Variants in DIO1 observed in about 807,000 individuals in gnomAD.
DIO1 encodes the protein type I iodothyronine deiodinase.
DIO1 carries 17 observed loss-of-function variants against 25.9 expected under a neutral mutation model. The observed-to-expected ratio is 0.66, with a 90% CI of 0.45 to 0.98. The LOEUF (loss-of-function observed/expected upper bound fraction) is 0.98. Ranked by LOEUF, DIO1 falls within the 50% of genes least tolerant of loss-of-function variation. The probability of loss-of-function intolerance (pLI) is 0.00; values close to 1 mark genes in which losing one functional copy is unlikely to be tolerated. For missense variants in DIO1, 270 were observed against 310.4 expected (o/e 0.87, Z 0.98); for synonymous variants, 115 against 114.0 (o/e 1.01, Z -0.05).
At chr1:53,906,662 C>CT (rs554046743) in intron 3 of DIO1, among the ~76,000 whole-genome samples, 14,910 of 144,356 alleles carry the variant, frequency 0.1, 773 homozygotes, top group African/African-American at 0.14. Flanking sequence ...TTCTTTCTTT[C>CT]TTTTTTTTTT....
chr1:53,899,578 G>A (rs1651251275), intron 1 of DIO1, among the ~76,000 whole-genome samples: 1 of 152,084 alleles, frequency 6.6e-6, no homozygotes, highest in South Asian at 2.1e-4. Flanking sequence ...TCTCTTCCAG[G>A]GTCTGAATCA....
rs60469690 is a variant in DIO1 at position 53,898,744 on chromosome 1, C to CAAAAAAAAAAA, written c.337+4206_337+4216dup. Among the ~76,000 whole-genome samples the CAAAAAAAAAAA allele has an allele frequency of 7.6e-4, 81 of 106,500 alleles. 1 individual carries two copies. Among genetic ancestry groups the CAAAAAAAAAAA allele is most frequent in the Non-Finnish European group, 1.1e-3 (58 of 52,314 alleles). The allele number at this position is 106,500 out of a possible 152,430, so 69.9% of individuals were successfully genotyped here. A position where few individuals can be genotyped will look rare whatever the true frequency, so the allele number is the denominator to read the frequency against. ...TGGGCAACAAAGCGAGACTCTGTCTCAAAAAAAAAAAAAAAAAAAGAGACA... is the reference window on the plus strand; with the variant it reads ...TGGGCAACAAAGCGAGACTCTGTCTCAAAAAAAAAAAAAAAAAAAAAAAAAAAAAAGAGACA... On this transcript the variant is annotated intron_variant, in intron 1 of 3. Transcript: ENST00000361921.
At chr1:53,898,424 G>A (rs945238304) in intron 1 of DIO1, among the ~76,000 whole-genome samples, 1 of 152,060 alleles carries the variant, frequency 6.6e-6, no homozygotes, top group African/African-American at 2.4e-5. Context: ...TTCCAAGAGA[G>A]AAGTAAACAT....
chr1:53,900,330 G>A (rs1026422731), intron 1 of DIO1, among the ~76,000 whole-genome samples: 6 of 152,148 alleles, frequency 3.9e-5, no homozygotes, highest in Non-Finnish European at 7.3e-5. Context: ...CTGGCCAGGC[G>A]CAGTGGCTCA....
At chr1:53,907,475 G>A (rs192824471) in intron 3 of DIO1, among the ~76,000 whole-genome samples, 16 of 152,280 alleles carry the variant, frequency 1.1e-4, no homozygotes, top group East Asian at 5.8e-4. Context: ...AGGTGCAAGG[G>A]TCACAGTAGA....
intron 1 of DIO1, among the ~76,000 whole-genome samples, chr1:53,898,576 C>T (rs1651197995): frequency 6.6e-6 from 1 of 151,970 alleles, no homozygotes; most frequent in Admixed American, 6.6e-5. Flanking sequence ...GAAATCCTGT[C>T]TCTACTAAAA....
rs751495834 is a variant in DIO1 at position 53,906,302 on chromosome 1, C to T, written c.681+8C>T. The T allele has an allele frequency of 1.0e-5, 16 of 1,605,150 alleles. No individual in the cohort carries two copies. The highest frequency in any genetic ancestry group is 1.3e-5 in the African/African-American group (1 of 74,738). Reference sequence around the variant, plus strand: ...GGCAGGATCCTCTACAAGGTGGTGACCTGGGGACAGGGGGCCCAGGGAGGG... The same window carrying T: ...GGCAGGATCCTCTACAAGGTGGTGATCTGGGGACAGGGGGCCCAGGGAGGG... On this transcript the variant is annotated splice_region_variant and intron_variant, in intron 3 of 3. Transcript: ENST00000361921.
In DIO1 at chr1:53,894,615, G is replaced by A; in HGVS notation, c.337+68G>A. 1 of 1,414,932 alleles carries A rather than the reference G, an allele frequency of 7.1e-7. No homozygotes were observed. Among genetic ancestry groups the A allele is most frequent in the Non-Finnish European group, 9.6e-7 (1 of 1,044,024 alleles). 87.6% of individuals were successfully genotyped at this position (1,414,932 alleles called of 1,614,324 possible). ...GTGGTAGAGGGGGATGAAGAGATGG[G>A]TTGGAAAGTCCTGAATTCTCCTACT... On this transcript the variant is annotated intron_variant, in intron 1 of 3. Coordinates refer to ENST00000361921, the MANE Select transcript of DIO1 (RefSeq NM_000792.7). The surrounding 1 kb of genome is among the most constrained non-coding windows in gnomAD (Gnocchi z 4.9).
intron 3 of DIO1, 78 bp from the exon 4 acceptor site, chr1:53,909,853 C>A: frequency 7.0e-7 from 1 of 1,435,118 alleles, no homozygotes; most frequent in Non-Finnish European, 9.8e-7. Flanking sequence ...CCTCTTGCAA[C>A]TAACCTCCAG....
At chr1:53,897,635 T>G (rs1651147870) in intron 1 of DIO1, among the ~76,000 whole-genome samples, 1 of 152,124 alleles carries the variant, frequency 6.6e-6, no homozygotes, top group Non-Finnish European at 1.5e-5. Context: ...GAGGATTGCT[T>G]GAACCCAGGA....
In DIO1 at chr1:53,906,216, G is replaced by A. The variant is rs201420507; in HGVS notation, c.603G>A (p.Met201Ile). The A allele has an allele frequency of 9.5e-4, 1,526 of 1,614,226 alleles. 22 individuals carry two copies. In the South Asian group the frequency reaches 0.016, roughly 17 times the overall value. Reference sequence around the variant, plus strand: ...AGTGCCCTGTGGTGGTGGACACCATGCAGAACCAGAGCAGCCAGCTCTACG... The same window carrying A: ...AGTGCCCTGTGGTGGTGGACACCATACAGAACCAGAGCAGCCAGCTCTACG... ...SPQCPVVVDT[M>I]QNQSSQLYAA... Residue 201 changes from methionine to isoleucine, a missense_variant, in exon 3 of 4, where the codon ATG (methionine) becomes ATA (isoleucine). By Grantham distance (10) the Met-to-Ile change is conservative (BLOSUM62 1). Transcript: ENST00000361921.
At position 53,909,988 on chromosome 1, in the gene DIO1, C is replaced by A; in HGVS notation, c.739C>A (p.Leu247Ile). Residue 247 changes from leucine (L) to isoleucine (I), a missense_variant, in exon 4 of 4, where the codon CTC (leucine) becomes ATC (isoleucine). Coordinates refer to ENST00000361921, the MANE Select transcript of DIO1 (RefSeq NM_000792.7). ...PEEVRAVLEK[L>I]HS ...GGAAGTTCGTGCTGTTCTGGAAAAG[C>A]TCCACAGTTAATCTGGACAGATACC... is the stretch of plus-strand genomic sequence containing the variant. The A allele has an allele frequency of 6.2e-7, 1 of 1,614,092 alleles. No individual in the cohort carries two copies. Among genetic ancestry groups the A allele is most frequent in the East Asian group, 2.2e-5 (1 of 44,890 alleles).
chr1:53,898,762 A>AG (rs1651211609), intron 1 of DIO1, among the ~76,000 whole-genome samples: 3 of 149,922 alleles, frequency 2.0e-5, no homozygotes, highest in South Asian at 2.1e-4. Flanking sequence ...AAAAAAAAAA[A>AG]AGAGACATGT....
intron 1 of DIO1, among the ~76,000 whole-genome samples, chr1:53,899,767 C>T (rs971860091): frequency 6.6e-6 from 1 of 152,164 alleles, no homozygotes; most frequent in Non-Finnish European, 1.5e-5. Context: ...AGCCTCATTC[C>T]TGGGCTCAAG....
chr1:53,905,975 C>A, intron 2 of DIO1, 120 bp from the exon 3 acceptor site: 1 of 904,548 alleles, frequency 1.1e-6, no homozygotes, highest in Non-Finnish European at 1.7e-6. Context: ...TAATGGGAAA[C>A]CAGGCCAAAT....
intron 1 of DIO1, among the ~76,000 whole-genome samples, chr1:53,896,210 CTTTTTTT>C (rs199555423): frequency 0.071 from 7,318 of 103,432 alleles, 208 homozygotes; most frequent in Middle Eastern, 0.15. Flanking sequence ...TTCTTTTTCT[CTTTTTTT>C]TTTTTTTTTT....
intron 1 of DIO1, among the ~76,000 whole-genome samples, chr1:53,896,210 C>CTTTTTTTTTTTTTTTTTTTTTTTTTTT (rs199555423): frequency 5.8e-5 from 6 of 103,584 alleles, no homozygotes; most frequent in South Asian, 3.5e-4. Flanking sequence ...TTCTTTTTCT[C>CTTTTTTTTTTTTTTTTTTTTTTTTTTT]TTTTTTTTTT....
chr1:53,906,261 C>T lies in DIO1; in HGVS notation c.648C>T (p.Leu216=). The part of the protein sequence containing the change: ...SQLYAALPER[L]YIIQEGRILY... ...TCTACGCAGCACTGCCTGAGAGGCT[C>T]TACATAATCCAGGAGGGCAGGATCC... is the stretch of plus-strand genomic sequence containing the variant. Residue 216 remains leucine (L), a synonymous_variant, in exon 3 of 4, where the codon CTC becomes CTT. Coordinates refer to ENST00000361921, the MANE Select transcript of DIO1 (RefSeq NM_000792.7). The T allele has an allele frequency of 6.2e-7, 1 of 1,613,752 alleles. No individual in the cohort carries two copies. Among genetic ancestry groups the T allele is most frequent in the Non-Finnish European group, 8.5e-7 (1 of 1,179,864 alleles).
Position 53,910,345 on chromosome 1 carries a change from G to A in DIO1, c.*346G>A, listed in dbSNP as rs1296069655. On this transcript the variant is annotated 3_prime_UTR_variant, in exon 4 of 4. Coordinates refer to ENST00000361921, the MANE Select transcript of DIO1 (RefSeq NM_000792.7). ...TTGAGAGAGCAGTTGCACTCTACAGGCACACTTCTGAGGTACGGTATCTCT... is the reference window on the plus strand; with the variant it reads ...TTGAGAGAGCAGTTGCACTCTACAGACACACTTCTGAGGTACGGTATCTCT... 4 of 255,122 alleles carry A rather than the reference G, an allele frequency of 1.6e-5. No individual in the cohort carries two copies. Among genetic ancestry groups the A allele is most frequent in the Non-Finnish European group, 3.1e-5 (4 of 128,508 alleles). The allele number at this position is 255,122 out of a possible 1,614,324, so 15.8% of individuals were successfully genotyped here. A position where few individuals can be genotyped will look rare whatever the true frequency, so the allele number is the denominator to read the frequency against.
Sources: gnomAD v4.1 joint callset for allele counts (sites outside exome capture counted in the v4.1 genomes callset) on GRCh38, gnomAD v4.1.1 for gene constraint, Gnocchi (gnomAD v3.1) non-coding constraint, MANE v1.5 for transcripts, NCBI Gene and HGNC (gene_info 2026-07-23, HGNC 2026-07-21) for gene names.